The following FRMD5 variants were observed in gnomAD, a reference collection of about 807,000 sequenced individuals.
The protein encoded by FRMD5 is FERM domain-containing protein 5.
Under a neutral mutation model 69.0 loss-of-function variants are expected in FRMD5, and 20 were observed. The observed-to-expected ratio is 0.29, with a 90% CI of 0.20 to 0.42. The LOEUF is 0.42. Among genes scored for constraint, FRMD5 ranks in the 10% least tolerant of loss-of-function variants. The pLI is 1.00. For synonymous variants in FRMD5, 271 were observed against 260.1 expected (o/e 1.04, Z -0.40); for missense variants, 595 against 708.6 (o/e 0.84, Z 1.82).
chr15:43,983,435 C>T (rs1286161347), intron 1 of FRMD5, among the ~76,000 whole-genome samples: 1 of 151,950 alleles, frequency 6.6e-6, no homozygotes, highest in African/African-American at 2.4e-5. Flanking sequence ...TTTTTTCAGC[C>T]CTTGGACCAT....
upstream of FRMD5, among the ~76,000 whole-genome samples, chr15:44,198,830 G>A (rs902282873): frequency 1.1e-4 from 16 of 152,156 alleles, no homozygotes; most frequent in African/African-American, 2.7e-4. Context: ...GAGAACCAGC[G>A]TGCCATAGCT....
rs543959520 is a variant in FRMD5, at chr15:44,186,494, G to A, written c.102+8459C>T. Among the ~76,000 whole-genome samples the A allele has an allele frequency of 2.0e-5, 3 of 152,332 alleles. No individual in the cohort carries two copies. In the East Asian group the frequency reaches 5.8e-4, roughly 29 times the overall value. On this transcript the variant is annotated intron_variant, in intron 1 of 13. Transcript: ENST00000417257. ...GTGCCTGGATGGAGTACCAGACTAT[G>A]AGGGTTCCTAATGATTTGGCTTTTT... is the stretch of plus-strand genomic sequence containing the variant.
intron 1 of FRMD5, among the ~76,000 whole-genome samples, chr15:44,121,988 C>CA (rs34129381): frequency 0.01 from 727 of 69,586 alleles, 6 homozygotes; most frequent in East Asian, 0.035. Flanking sequence ...AAGGGAGACT[C>CA]AAAAAAAAAA....
intron 1 of FRMD5, among the ~76,000 whole-genome samples, chr15:44,114,331 C>A (rs1595479295): frequency 6.6e-6 from 1 of 152,184 alleles, no homozygotes. Flanking sequence ...CATCAGTCCT[C>A]GCTAAGGTAT....
chr15:44,162,928 A>G (rs1415405943), intron 1 of FRMD5, among the ~76,000 whole-genome samples: 1 of 151,236 alleles, frequency 6.6e-6, no homozygotes, highest in East Asian at 1.9e-4. Flanking sequence ...TAATCCCAGC[A>G]CTTTGGGAGG....
Position 44,013,840 on chromosome 15 carries a change from G to A in FRMD5, c.103-89531C>T, listed in dbSNP as rs1890834099. Among the ~76,000 whole-genome samples, 8 of 147,844 alleles carry A rather than the reference G, an allele frequency of 5.4e-5. 1 individual carries two copies. Among genetic ancestry groups the A allele is most frequent in the Admixed American group, 4.2e-4 (6 of 14,340 alleles). ...ATGATGATGAGGAGGAGTGATGCAA[G>A]TATCTGGAGACACCTTCTTTTTTTT... On this transcript the variant is annotated intron_variant, in intron 1 of 13. Coordinates refer to ENST00000417257, the MANE Select transcript of FRMD5 (RefSeq NM_032892.5).
At chr15:44,118,286 T>C (rs1383712464) in intron 1 of FRMD5, among the ~76,000 whole-genome samples, 3 of 152,306 alleles carry the variant, frequency 2.0e-5, no homozygotes, top group South Asian at 4.2e-4. Flanking sequence ...TCTGGGTATA[T>C]TGTATTGTAC....
At chr15:43,999,930 TATATATATATATATATGCC>T (rs1890111594) in intron 1 of FRMD5, among the ~76,000 whole-genome samples, 1 of 129,576 alleles carries the variant, frequency 7.7e-6, no homozygotes, top group African/African-American at 3.2e-5. Flanking sequence ...TATGTATATA[TATATATATATATATATGCC>T]ATGCATATAT....
chr15:44,105,480 T>C (rs1385601100), intron 1 of FRMD5, among the ~76,000 whole-genome samples: 1 of 152,198 alleles, frequency 6.6e-6, no homozygotes, highest in Admixed American at 6.5e-5. Context: ...CTTACTGATC[T>C]TGAACTTCCC....
chr15:44,061,929 A>C (rs536009002), intron 1 of FRMD5, among the ~76,000 whole-genome samples: 1 of 152,380 alleles, frequency 6.6e-6, no homozygotes, highest in East Asian at 1.9e-4. Context: ...GTACAGGTAC[A>C]TGAGTGGCTA....
chr15:43,878,352 C>T (rs1465312052), intron 13 of FRMD5, among the ~76,000 whole-genome samples: 9 of 152,180 alleles, frequency 5.9e-5, no homozygotes, highest in East Asian at 1.9e-4. Context: ...TAACTGTAGT[C>T]GGATTCCATG....
At chr15:44,131,395 A>C (rs78357653) in intron 1 of FRMD5, among the ~76,000 whole-genome samples, 1 of 2,578 alleles carries the variant, frequency 3.9e-4, no homozygotes, top group Non-Finnish European at 4.4e-3. Flanking sequence ...GGCAATTCCT[A>C]AAAAAAAAAT....
intron 1 of FRMD5, among the ~76,000 whole-genome samples, chr15:44,164,927 T>C (rs1324697351): frequency 1.3e-5 from 2 of 152,220 alleles, no homozygotes; most frequent in African/African-American, 4.8e-5. Flanking sequence ...TAGAGCAAGC[T>C]GGAGCATCCA....
At position 43,928,399 on chromosome 15, in the gene FRMD5, C is replaced by A. The variant is rs192396905; in HGVS notation, c.103-4090G>T. On this transcript the variant is annotated intron_variant, in intron 1 of 13. Transcript: ENST00000417257. The stretch of plus-strand genomic sequence containing the variant: ...GGTAGAATCAACTTAGAGCTCTGCG[C>A]AGAGGCACCTTTCACAGAGGGTTGC... 2.8e-3 allele frequency among the ~76,000 whole-genome samples: 434 copies of A among 152,332 alleles called. 2 individuals are homozygous for A. Among genetic ancestry groups the A allele is most frequent in the African/African-American group, 9.9e-3 (410 of 41,574 alleles).
At chr15:43,962,311 T>C (rs995321136) in intron 1 of FRMD5, among the ~76,000 whole-genome samples, 1 of 152,050 alleles carries the variant, frequency 6.6e-6, no homozygotes, top group Non-Finnish European at 1.5e-5. Context: ...CACAATTGCT[T>C]CAAAGAGAAT....
chr15:44,144,511 T>C lies in FRMD5; in HGVS notation c.102+50442A>G, dbSNP rs995198136. ...CCATGTGATACAAGAGTTTAATCTA[T>C]AGAGGGTCTTGGGCCCAGAGGACTT... On this transcript the variant is annotated intron_variant, in intron 1 of 13. Transcript: ENST00000417257. Among the ~76,000 whole-genome samples the C allele has an allele frequency of 3.3e-5, 5 of 152,144 alleles. No individual in the cohort carries two copies. In the East Asian group the frequency reaches 9.6e-4, roughly 29 times the overall value.
intron 1 of FRMD5, among the ~76,000 whole-genome samples, chr15:43,996,071 CGT>C (rs1889907634): frequency 6.6e-6 from 1 of 152,046 alleles, no homozygotes; most frequent in Admixed American, 6.6e-5. Flanking sequence ...AGGCTTCTGC[CGT>C]GGCACTGGGG....
chr15:44,054,030 T>G (rs751796548), intron 1 of FRMD5, among the ~76,000 whole-genome samples: 3 of 152,208 alleles, frequency 2.0e-5, no homozygotes, highest in Non-Finnish European at 4.4e-5. Flanking sequence ...ACCCAACCTT[T>G]AAAGCATTGA....
At position 44,054,984 on chromosome 15, in the gene FRMD5, A is replaced by C. The variant is rs112326624; in HGVS notation, c.103-130675T>G. ...ACTCAGGAGGCTGAGGCAGGAGAAT[A>C]GCTTGAACCCAGGATATGGAGGTTG... On this transcript the variant is annotated intron_variant, in intron 1 of 13. Coordinates refer to ENST00000417257, the MANE Select transcript of FRMD5 (RefSeq NM_032892.5). Among the ~76,000 whole-genome samples the C allele has an allele frequency of 7.5e-3, 1,127 of 151,208 alleles. 21 individuals carry two copies. Among genetic ancestry groups the C allele is most frequent in the African/African-American group, 0.026 (1,078 of 41,180 alleles).
Sources: allele counts gnomAD v4.1 joint callset (sites outside exome capture counted in the v4.1 genomes callset), GRCh38; gene constraint gnomAD v4.1.1; transcripts MANE v1.5; gene names NCBI Gene and HGNC (gene_info 2026-07-23, HGNC 2026-07-21).